DNER: variants seen among roughly 807,000 people sequenced by gnomAD.
The protein encoded by DNER is delta and Notch-like epidermal growth factor-related receptor.
DNER carries 33 observed loss-of-function variants against 78.2 expected under a neutral mutation model. The observed-to-expected ratio is 0.42, with a 90% CI of 0.32 to 0.56. The LOEUF (loss-of-function observed/expected upper bound fraction) is 0.56, where lower values mean the gene tolerates loss of function less well. Among genes scored for constraint, DNER ranks in the 20% least tolerant of loss-of-function variants. The probability of loss-of-function intolerance (pLI) is 0.11; values close to 1 mark genes in which losing one functional copy is unlikely to be tolerated. For missense variants in DNER, 918 were observed against 975.3 expected, an observed-to-expected ratio of 0.94 and a Z score of 0.78; for synonymous variants, 417 against 384.8, an observed-to-expected ratio of 1.08 and a Z score of -0.98.
At chr2:229,374,344 A>G (rs983127961) in intron 11 of DNER, among the ~76,000 whole-genome samples, 1 of 152,206 alleles carries the variant, frequency 6.6e-6, no homozygotes, top group Non-Finnish European at 1.5e-5. Context: ...GCATCACACA[A>G]TGTACCCAGG....
intron 4 of DNER, among the ~76,000 whole-genome samples, chr2:229,557,829 G>A (rs1174223247): frequency 1.3e-5 from 2 of 151,976 alleles, no homozygotes; most frequent in Non-Finnish European, 2.9e-5. Flanking sequence ...GCAATTCCTC[G>A]AAGACCTAAA....
At chr2:229,431,986 A>C (rs1694016474) in intron 8 of DNER, among the ~76,000 whole-genome samples, 1 of 152,132 alleles carries the variant, frequency 6.6e-6, no homozygotes, top group South Asian at 2.1e-4. Context: ...CTACAGTTTA[A>C]ATTATCCATT....
chr2:229,587,063 G>A (rs1697515518), intron 3 of DNER: 4 of 925,288 alleles, frequency 4.3e-6, no homozygotes, highest in South Asian at 5.0e-5. Flanking sequence ...TCAGAGAATG[G>A]CAGGTTTGTT....
intron 6 of DNER, among the ~76,000 whole-genome samples, chr2:229,479,721 AAAAAAAAAAAC>A (rs374678821): frequency 0.12 from 17,928 of 150,360 alleles, 1,129 homozygotes; most frequent in South Asian, 0.2. Context: ...TCAAAAAAAA[AAAAAAAAAAAC>A]AAAAAACCAT....
intron 1 of DNER, among the ~76,000 whole-genome samples, chr2:229,620,587 A>G (rs999859715): frequency 2.0e-5 from 3 of 152,198 alleles, no homozygotes; most frequent in African/African-American, 7.2e-5. Flanking sequence ...TGCAGACACA[A>G]ACGTTCTCTT....
At chr2:229,384,859 T>C (rs976915497) in intron 11 of DNER, among the ~76,000 whole-genome samples, 1 of 152,160 alleles carries the variant, frequency 6.6e-6, no homozygotes, top group Admixed American at 6.5e-5. Flanking sequence ...CCATTCCTTC[T>C]GAAACTATTC....
intron 1 of DNER, among the ~76,000 whole-genome samples, chr2:229,669,863 T>C (rs1699178267): frequency 6.6e-6 from 1 of 152,180 alleles, no homozygotes; most frequent in African/African-American, 2.4e-5. Context: ...CTAAAATAAA[T>C]GTCGTCCATA....
rs1358771605 is a variant in DNER, at chr2:229,697,184, G to A, written c.276+16964C>T. ...CAGCCATAAAAAAGCAATGAAGTAT[G>A]GATAAATACTGCAACGTGGATGAAT... On this transcript the variant is annotated intron_variant, in intron 1 of 12. Transcript: ENST00000341772. Among the ~76,000 whole-genome samples the A allele has an allele frequency of 2.0e-5, 3 of 152,140 alleles. No individual in the cohort carries two copies. In the East Asian group the frequency reaches 5.8e-4, roughly 29 times the overall value.
rs191271610 is a variant in DNER at position 229,479,652 on chromosome 2, A to G, written c.1148-2399T>C. Among the ~76,000 whole-genome samples the G allele has an allele frequency of 9.4e-4, 142 of 151,650 alleles. 2 individuals are homozygous for G. The East Asian group carries it at 0.026, about 27-fold the overall frequency. On this transcript the variant is annotated intron_variant, in intron 6 of 12. Coordinates refer to ENST00000341772, the MANE Select transcript of DNER (RefSeq NM_139072.4). Reference sequence around the variant, plus strand: ...CATTTGAACCGAGGAGGTAGAGGTTACAGCGAGCCGAGATTGCGCCACTGC... The same window carrying G: ...CATTTGAACCGAGGAGGTAGAGGTTGCAGCGAGCCGAGATTGCGCCACTGC...
chr2:229,480,630 T>G (rs1695137159), intron 6 of DNER, among the ~76,000 whole-genome samples: 1 of 152,186 alleles, frequency 6.6e-6, no homozygotes, highest in Non-Finnish European at 1.5e-5. Context: ...ATTTACATTT[T>G]TAATTGTCAT....
intron 11 of DNER, among the ~76,000 whole-genome samples, chr2:229,375,093 G>A (rs970996817): frequency 5.3e-5 from 8 of 152,130 alleles, no homozygotes; most frequent in African/African-American, 1.4e-4. Context: ...AATGCCTGTG[G>A]TCCTATAATA....
chr2:229,662,649 G>C (rs1462685606), intron 1 of DNER, among the ~76,000 whole-genome samples: 3 of 152,074 alleles, frequency 2.0e-5, no homozygotes, highest in Non-Finnish European at 4.4e-5. Context: ...ATATAATCTA[G>C]AGCCTACCCA....
chr2:229,562,717 C>T (rs1030396308), intron 4 of DNER, among the ~76,000 whole-genome samples: 1 of 152,050 alleles, frequency 6.6e-6, no homozygotes, highest in South Asian at 2.1e-4. Context: ...GTTAGTTATA[C>T]CCTTCATGTC....
intron 5 of DNER, among the ~76,000 whole-genome samples, chr2:229,526,493 C>T (rs935348869): frequency 1.3e-5 from 2 of 152,120 alleles, no homozygotes; most frequent in Non-Finnish European, 2.9e-5. Context: ...GGACCAGTTT[C>T]GCGGAAGACA....
chr2:229,593,291 C>T (rs1314768976), intron 1 of DNER, among the ~76,000 whole-genome samples: 1 of 152,196 alleles, frequency 6.6e-6, no homozygotes, highest in Non-Finnish European at 1.5e-5. Context: ...TGTCCTCACC[C>T]TGTCTCTCTC....
chr2:229,411,819 T>C (rs371686430), intron 9 of DNER, among the ~76,000 whole-genome samples: 2 of 152,100 alleles, frequency 1.3e-5, no homozygotes, highest in East Asian at 1.9e-4. Context: ...TAATATCCTA[T>C]TATGAGTGAG....
chr2:229,632,255 C>T (rs537761146), intron 1 of DNER, among the ~76,000 whole-genome samples: 2 of 152,156 alleles, frequency 1.3e-5, no homozygotes, highest in African/African-American at 4.8e-5. Context: ...TTCTAAGAAG[C>T]CTGCAAATTC....
At chr2:229,470,085 C>A (rs1460871839) in intron 7 of DNER, among the ~76,000 whole-genome samples, 1 of 152,190 alleles carries the variant, frequency 6.6e-6, no homozygotes, top group African/African-American at 2.4e-5. Context: ...AGAAAGAAAA[C>A]CATCGTTGAA....
At chr2:229,625,928 T>G (rs967082048) in intron 1 of DNER, among the ~76,000 whole-genome samples, 3 of 129,542 alleles carry the variant, frequency 2.3e-5, no homozygotes, top group African/African-American at 5.8e-5. Context: ...TTGTTTTTTG[T>G]TTTTTTTTTG....
Sources: allele counts gnomAD v4.1 joint callset (sites outside exome capture counted in the v4.1 genomes callset), GRCh38; gene constraint gnomAD v4.1.1; transcripts MANE v1.5; gene names NCBI Gene and HGNC (gene_info 2026-07-23, HGNC 2026-07-21).